Variants in SMCHD1 observed in about 807,000 individuals in gnomAD.
SMCHD1 encodes structural maintenance of chromosomes flexible hinge domain-containing protein 1.
SMCHD1 carries 78 observed loss-of-function variants against 254.7 expected under a neutral mutation model. That is an observed-to-expected ratio of 0.31 (90% CI 0.26 to 0.37). SMCHD1 has a LOEUF of 0.37. SMCHD1 is among the 10% of genes least tolerant of loss of function. SMCHD1 has a pLI of 1.00. For synonymous variants in SMCHD1, 766 were observed against 794.9 expected, an observed-to-expected ratio of 0.96 and a Z score of 0.61; for missense variants, 1,840 against 2,408.1, an observed-to-expected ratio of 0.76 and a Z score of 4.94.
At chr18:2,751,701 A>G (rs1786474713) in intron 33 of SMCHD1, among the ~76,000 whole-genome samples, 1 of 152,134 alleles carries the variant, frequency 6.6e-6, no homozygotes, top group South Asian at 2.1e-4. Context: ...GATAATATAG[A>G]AAATGAGATA....
chr18:2,760,835 C>A, intron 35 of SMCHD1, 96 bp downstream of exon 35: 1 of 599,338 alleles, frequency 1.7e-6, no homozygotes, highest in South Asian at 2.5e-5. Context: ...CACATTTTCT[C>A]ATTTAGTTTA....
intron 29 of SMCHD1, among the ~76,000 whole-genome samples, chr18:2,744,439 GAA>G (rs2075409512): frequency 1.3e-5 from 2 of 149,086 alleles, no homozygotes; most frequent in South Asian, 4.2e-4. Flanking sequence ...TTTTTTTACT[GAA>G]GTTTCAGAAT....
intron 3 of SMCHD1, among the ~76,000 whole-genome samples, chr18:2,667,276 G>A (rs1381167680): frequency 6.6e-6 from 1 of 152,048 alleles, no homozygotes; most frequent in Non-Finnish European, 1.5e-5. Flanking sequence ...CTCATAAGGG[G>A]TCTTGACCTA....
intron 37 of SMCHD1, among the ~76,000 whole-genome samples, chr18:2,765,361 G>A (rs2075848523): frequency 6.6e-6 from 1 of 152,016 alleles, no homozygotes; most frequent in Non-Finnish European, 1.5e-5. Flanking sequence ...AGTACTAATA[G>A]ATATGAAATG....
chr18:2,665,956 TTAAG>T (rs1229028833), intron 1 of SMCHD1, among the ~76,000 whole-genome samples, 197 bp from the exon 2 acceptor site: 1 of 152,226 alleles, frequency 6.6e-6, no homozygotes, highest in East Asian at 1.9e-4. Flanking sequence ...AATGACCTTG[TTAAG>T]TAAGTAATTT....
chr18:2,771,458 C>T (rs545828724), intron 39 of SMCHD1, 75 bp from the exon 40 acceptor site: 6 of 1,118,602 alleles, frequency 5.4e-6, no homozygotes, highest in Non-Finnish European at 5.1e-6. Flanking sequence ...ACAAAAGGAA[C>T]TTTAAAATAT....
At position 2,802,526 on chromosome 18, in the gene SMCHD1, A is replaced by G. The variant is rs1415079102; in HGVS notation, c.5994-2A>G. The stretch of plus-strand genomic sequence containing the variant: ...ACTTTTTTTTCTTTCCCCTTTGACC[A>G]GGATTATAACCAAAACAGATGTATG... On this transcript the variant is annotated splice_acceptor_variant, in intron 47 of 47. Transcript: ENST00000320876. LOFTEE classifies it high-confidence loss of function. 1.9e-6 allele frequency: 3 copies of G among 1,552,420 alleles called. No homozygotes were observed. The highest frequency in any genetic ancestry group is 2.6e-6 in the Non-Finnish European group (3 of 1,147,496).
intron 29 of SMCHD1, among the ~76,000 whole-genome samples, chr18:2,745,212 T>A (rs572301990): frequency 6.6e-6 from 1 of 152,250 alleles, no homozygotes; most frequent in African/African-American, 2.4e-5. Flanking sequence ...AGAGACTGGG[T>A]TTCACCATGC....
intron 45 of SMCHD1, 134 bp downstream of exon 45, chr18:2,784,755 T>C: frequency 9.8e-7 from 1 of 1,015,448 alleles, no homozygotes; most frequent in Non-Finnish European, 1.5e-6. Flanking sequence ...TAAGATGTTT[T>C]TGTCTACTAC....
rs372923413 is a variant in SMCHD1 at position 2,798,893 on chromosome 18, T to C, written c.5993+2372T>C. 1.1e-4 allele frequency among the ~76,000 whole-genome samples: 17 copies of C among 152,328 alleles called. No individual in the cohort carries two copies. The East Asian group carries it at 1.5e-3, about 14-fold the overall frequency. ...TAGGCTAAGATGTAAGGTACATGTT[T>C]TTGTGCCACAGTCTCAGCACTAAAT... On this transcript the variant is annotated intron_variant, in intron 47 of 47. Coordinates refer to ENST00000320876, the MANE Select transcript of SMCHD1 (RefSeq NM_015295.3).
intron 1 of SMCHD1, among the ~76,000 whole-genome samples, chr18:2,663,448 A>G (rs2073350087): frequency 6.6e-6 from 1 of 151,870 alleles, no homozygotes; most frequent in African/African-American, 2.4e-5. Flanking sequence ...CTTTATGCTC[A>G]CTCAAAATTA....
chr18:2,670,186 T>A (rs1477560162), intron 3 of SMCHD1, among the ~76,000 whole-genome samples: 1 of 152,138 alleles, frequency 6.6e-6, no homozygotes, highest in Non-Finnish European at 1.5e-5. Context: ...ACTTACTAGC[T>A]CTGCTTTGTA....
At chr18:2,789,459 G>A (rs575463975) in intron 45 of SMCHD1, among the ~76,000 whole-genome samples, 4 of 152,174 alleles carry the variant, frequency 2.6e-5, no homozygotes, top group South Asian at 2.1e-4. Context: ...AATATCACAC[G>A]TTAAAAATTA....
chr18:2,798,876 G>C (rs537780124), intron 47 of SMCHD1, among the ~76,000 whole-genome samples: 1 of 152,324 alleles, frequency 6.6e-6, no homozygotes, highest in South Asian at 2.1e-4. Context: ...TCTAGGCTAA[G>C]ATGTAAGGTA....
At chr18:2,677,887 G>A (rs1460865202) in intron 5 of SMCHD1, among the ~76,000 whole-genome samples, 1 of 152,082 alleles carries the variant, frequency 6.6e-6, no homozygotes, top group Non-Finnish European at 1.5e-5. Flanking sequence ...CCAAAGTGCT[G>A]GGATTACAGA....
rs78035459 is a variant in SMCHD1, at chr18:2,779,380, G to A, written c.5547+1141G>A. Among the ~76,000 whole-genome samples the A allele has an allele frequency of 7.5e-3, 1,147 of 152,262 alleles. 15 individuals are homozygous for A. Among genetic ancestry groups the A allele is most frequent in the African/African-American group, 0.022 (918 of 41,550 alleles). On this transcript the variant is annotated intron_variant, in intron 44 of 47. Transcript: ENST00000320876. ...CTAGGGTTATTGTTCTCACCCATGAGGGTGAGATAGAGTAGGGTAATGCCA... is the reference window on the plus strand; with the variant it reads ...CTAGGGTTATTGTTCTCACCCATGAAGGTGAGATAGAGTAGGGTAATGCCA...
chr18:2,693,398 G>A (rs2074221304), intron 7 of SMCHD1, among the ~76,000 whole-genome samples: 1 of 152,184 alleles, frequency 6.6e-6, no homozygotes. Flanking sequence ...AGGCTATATG[G>A]TATAGGGTAC....
intron 1 of SMCHD1, among the ~76,000 whole-genome samples, chr18:2,659,816 AG>A (rs2073192190): frequency 2.0e-5 from 3 of 151,868 alleles, no homozygotes; most frequent in South Asian, 4.2e-4. Context: ...TGCCATAGTA[AG>A]GTAACGAAAT....
At chr18:2,740,420 T>C (rs577650607) in intron 27 of SMCHD1, among the ~76,000 whole-genome samples, 3 of 152,284 alleles carry the variant, frequency 2.0e-5, no homozygotes, top group East Asian at 1.9e-4. Context: ...TTTTTTCTTA[T>C]ATCTAGAAAA....
Sources: gnomAD v4.1 joint callset for allele counts (sites outside exome capture counted in the v4.1 genomes callset) on GRCh38, gnomAD v4.1.1 for gene constraint, MANE v1.5 for transcripts, NCBI Gene and HGNC (gene_info 2026-07-23, HGNC 2026-07-21) for gene names.